Variants in MARCHF4 observed in about 807,000 individuals in gnomAD.
The protein encoded by MARCHF4 is membrane associated ring-CH-type finger 4, also known as E3 ubiquitin-protein ligase MARCHF4.
Under a neutral mutation model 43.9 loss-of-function variants are expected in MARCHF4, and 14 were observed. The ratio of observed to expected loss-of-function variants is 0.32; its 90% CI spans 0.21 to 0.50. MARCHF4 has a LOEUF of 0.50. MARCHF4 is among the 20% of genes least tolerant of loss of function. The pLI, the probability that MARCHF4 is intolerant of heterozygous loss-of-function variation, is 0.98. For missense variants in MARCHF4, 468 were observed against 536.7 expected, an observed-to-expected ratio of 0.87 and a Z score of 1.27; for synonymous variants, 226 against 213.3, an observed-to-expected ratio of 1.06 and a Z score of -0.52.
At chr2:216,336,425 T>C (rs1017157950) in intron 1 of MARCHF4, among the ~76,000 whole-genome samples, 1 of 152,142 alleles carries the variant, frequency 6.6e-6, no homozygotes, top group Non-Finnish European at 1.5e-5. Flanking sequence ...CTCAGACTTG[T>C]TGGTGATCTC....
rs764064048 is a variant in MARCHF4 at position 216,283,747 on chromosome 2, A to G, written c.517-18T>C. 1 of 1,587,728 alleles carries G rather than the reference A, an allele frequency of 6.3e-7. No individual in the cohort carries two copies. Among genetic ancestry groups the G allele is most frequent in the South Asian group, 1.1e-5 (1 of 89,754 alleles). Reference sequence around the variant, plus strand: ...AGCTCCCCCTGCAGGGAGAGAGCACAGGGTGATGAGGCTGAGACCTACAGT... The same window carrying G: ...AGCTCCCCCTGCAGGGAGAGAGCACGGGGTGATGAGGCTGAGACCTACAGT... On this transcript the variant is annotated intron_variant, in intron 1 of 3. Coordinates refer to ENST00000273067, the MANE Select transcript of MARCHF4 (RefSeq NM_020814.3).
intron 1 of MARCHF4, among the ~76,000 whole-genome samples, chr2:216,350,062 C>T (rs1008274738): frequency 3.9e-5 from 6 of 152,078 alleles, no homozygotes; most frequent in Non-Finnish European, 7.4e-5. Flanking sequence ...CTTGCTTTGC[C>T]ACACCATAAT....
chr2:216,328,560 T>TA (rs1479196185), intron 1 of MARCHF4, among the ~76,000 whole-genome samples: 3 of 152,244 alleles, frequency 2.0e-5, no homozygotes, highest in African/African-American at 7.2e-5. Context: ...CAGGGGCCGT[T>TA]AGAGCCCTTG....
intron 1 of MARCHF4, among the ~76,000 whole-genome samples, chr2:216,287,032 C>T (rs766578100): frequency 3.9e-5 from 6 of 152,174 alleles, no homozygotes; most frequent in Non-Finnish European, 8.8e-5. Flanking sequence ...TGAGCTTCAC[C>T]ACCCGCTGTG....
At chr2:216,304,460 G>A (rs374185634) in intron 1 of MARCHF4, among the ~76,000 whole-genome samples, 3 of 152,170 alleles carry the variant, frequency 2.0e-5, no homozygotes, top group Non-Finnish European at 2.9e-5. Context: ...GGAAAGAGAA[G>A]CTGTTTGTAA....
intron 1 of MARCHF4, among the ~76,000 whole-genome samples, chr2:216,306,805 G>A (rs1691594092): frequency 6.6e-6 from 1 of 151,986 alleles, no homozygotes; most frequent in Non-Finnish European, 1.5e-5. Context: ...GATACACCTG[G>A]GAATTAAAAA....
chr2:216,363,138 C>T (rs1248094088), intron 1 of MARCHF4, among the ~76,000 whole-genome samples: 1 of 152,164 alleles, frequency 6.6e-6, no homozygotes, highest in African/African-American at 2.4e-5. Context: ...CTCTCCCAGC[C>T]TCTTCTGAAA....
intron 2 of MARCHF4, among the ~76,000 whole-genome samples, chr2:216,281,155 A>T (rs1431333974): frequency 6.8e-6 from 1 of 146,840 alleles, no homozygotes; most frequent in Non-Finnish European, 1.5e-5. Context: ...TACAACCTAG[A>T]CCTCTTGTGC....
At chr2:216,303,062 T>C (rs1180790406) in intron 1 of MARCHF4, among the ~76,000 whole-genome samples, 3 of 152,156 alleles carry the variant, frequency 2.0e-5, no homozygotes, top group African/African-American at 4.8e-5. Context: ...TGTCTCTTCA[T>C]TGAGGAATAA....
chr2:216,287,921 C>T (rs923769487), intron 1 of MARCHF4, among the ~76,000 whole-genome samples: 18 of 152,040 alleles, frequency 1.2e-4, no homozygotes, highest in Admixed American at 5.9e-4. Flanking sequence ...TTCATCTTTC[C>T]GTTGCAAGTA....
chr2:216,285,847 C>T (rs187926469), intron 1 of MARCHF4, among the ~76,000 whole-genome samples: 6 of 152,280 alleles, frequency 3.9e-5, no homozygotes, highest in African/African-American at 9.6e-5. Context: ...TTTGATTAAT[C>T]GGATTGTTAA....
chr2:216,343,993 A>T (rs1008303208), intron 1 of MARCHF4, among the ~76,000 whole-genome samples: 2 of 152,172 alleles, frequency 1.3e-5, no homozygotes, highest in Non-Finnish European at 2.9e-5. Flanking sequence ...ATGGGGCCAG[A>T]GGAAGAAGCC....
At position 216,317,084 on chromosome 2, in the gene MARCHF4, T is replaced by C. The variant is rs541506307; in HGVS notation, c.517-33355A>G. ...CCCAAGCTGGTCTGGAAGGGGCTTC[T>C]GAACCTGTCAAGTCCAAGCCTGATA... On this transcript the variant is annotated intron_variant, in intron 1 of 3. Coordinates refer to ENST00000273067, the MANE Select transcript of MARCHF4 (RefSeq NM_020814.3). 3.1e-4 allele frequency among the ~76,000 whole-genome samples: 47 copies of C among 152,262 alleles called. 1 individual carries two copies. Among genetic ancestry groups the C allele is most frequent in the African/African-American group, 1.1e-3 (46 of 41,558 alleles).
intron 1 of MARCHF4, among the ~76,000 whole-genome samples, chr2:216,286,625 G>C (rs1691223245): frequency 6.6e-6 from 1 of 152,208 alleles, no homozygotes. Context: ...GGTATTTGCT[G>C]TGGGGGTTGG....
At chr2:216,307,664 T>C (rs1197743837) in intron 1 of MARCHF4, among the ~76,000 whole-genome samples, 2 of 152,206 alleles carry the variant, frequency 1.3e-5, no homozygotes, top group African/African-American at 4.8e-5. Flanking sequence ...CCTGCCCGCT[T>C]GGCTTCTCCC....
chr2:216,327,148 A>AT (rs912014585), intron 1 of MARCHF4, among the ~76,000 whole-genome samples: 65 of 149,458 alleles, frequency 4.3e-4, no homozygotes, highest in Admixed American at 1.5e-3. Context: ...TTTACTTTGT[A>AT]TTTTTTTTTT....
intron 1 of MARCHF4, among the ~76,000 whole-genome samples, chr2:216,300,430 A>C (rs1691476750): frequency 6.7e-6 from 1 of 148,366 alleles, no homozygotes; most frequent in African/African-American, 2.5e-5. Context: ...TGCAGCCTCG[A>C]CCTCCCAGGC....
Position 216,259,318 on chromosome 2 carries a change from T to C in MARCHF4, c.1227A>G (p.Thr409=). The C allele has an allele frequency of 3.9e-6, 6 of 1,534,940 alleles. No individual in the cohort carries two copies. The highest frequency in any genetic ancestry group is 5.3e-6 in the Non-Finnish European group (6 of 1,138,882). ...SSRELVMRVT[T]V ...TCCTTCCGGGCCTCTGCTCTCACAC[T>C]GTCGTGACTCTCATGACCAGCTCTC... The change falls in exon 4 of 4, where the codon ACA becomes ACG. Residue 409 remains threonine (T), a synonymous_variant. Transcript: ENST00000273067.
intron 3 of MARCHF4, among the ~76,000 whole-genome samples, chr2:216,263,467 GAGAA>G (rs1690777749): frequency 3.1e-5 from 4 of 128,562 alleles, no homozygotes; most frequent in Non-Finnish European, 6.8e-5. Flanking sequence ...GAGAAAGAAA[GAGAA>G]AGAGAGAAAG....
Sources: allele counts gnomAD v4.1 joint callset (sites outside exome capture counted in the v4.1 genomes callset), GRCh38; gene constraint gnomAD v4.1.1; transcripts MANE v1.5; gene names NCBI Gene and HGNC (gene_info 2026-07-23, HGNC 2026-07-21).